The following PLA2G4A variants were observed in gnomAD, a reference collection of about 807,000 sequenced individuals.
PLA2G4A encodes the protein cytosolic phospholipase A2.
PLA2G4A carries 40 observed loss-of-function variants against 81.9 expected under a neutral mutation model. The observed-to-expected ratio is 0.49, with a 90% CI of 0.38 to 0.64. The LOEUF is 0.64. PLA2G4A is among the 30% of genes least tolerant of loss of function. The pLI, the probability that PLA2G4A is intolerant of heterozygous loss-of-function variation, is 0.00. For synonymous variants in PLA2G4A, 302 were observed against 296.9 expected, an observed-to-expected ratio of 1.02 and a Z score of -0.18; for missense variants, 715 against 905.1, an observed-to-expected ratio of 0.79 and a Z score of 2.69.
chr1:186,882,415 G>A (rs548439216), intron 3 of PLA2G4A, among the ~76,000 whole-genome samples: 3 of 152,274 alleles, frequency 2.0e-5, no homozygotes, highest in African/African-American at 4.8e-5. Flanking sequence ...CAGCTAAAAC[G>A]TCAAAAGAAA....
chr1:186,942,472 C>T (rs1158939028), intron 10 of PLA2G4A, among the ~76,000 whole-genome samples: 1 of 152,072 alleles, frequency 6.6e-6, no homozygotes, highest in Non-Finnish European at 1.5e-5. Flanking sequence ...TTATTTTCCT[C>T]CTTATTTTAA....
intron 3 of PLA2G4A, among the ~76,000 whole-genome samples, chr1:186,880,611 G>A (rs1653695008): frequency 6.6e-6 from 1 of 151,898 alleles, no homozygotes. Context: ...TTAAGGTTAA[G>A]AATCTCTTTT....
At chr1:186,875,383 A>G (rs1279348823) in intron 3 of PLA2G4A, among the ~76,000 whole-genome samples, 1 of 152,106 alleles carries the variant, frequency 6.6e-6, no homozygotes, top group Admixed American at 6.6e-5. Flanking sequence ...GAATGATAGA[A>G]ATAAACACAA....
At chr1:186,928,984 T>C (rs1230564885) in intron 7 of PLA2G4A, among the ~76,000 whole-genome samples, 2 of 152,228 alleles carry the variant, frequency 1.3e-5, no homozygotes, top group Admixed American at 6.5e-5. Flanking sequence ...CTTATAACTT[T>C]CGTGTTATTT....
rs1656747402 is a variant in PLA2G4A at position 186,956,178 on chromosome 1, C to T, written c.1413C>T (p.Ala471=). 5.6e-6 allele frequency: 9 copies of T among 1,613,408 alleles called. No homozygotes were observed. The highest frequency in any genetic ancestry group is 7.6e-6 in the Non-Finnish European group (9 of 1,179,606). The stretch of plus-strand genomic sequence containing the variant: ...GTTGGATTCATCGTATGATAATGGC[C>T]TTGGTGAGTGATTCAGCTTTATTCA... ...QASWIHRMIM[A]LVSDSALFNT... The change falls in exon 14 of 18, where the codon GCC becomes GCT. Residue 471 remains alanine, a synonymous_variant. Transcript: ENST00000367466.
intron 5 of PLA2G4A, among the ~76,000 whole-genome samples, chr1:186,905,747 G>T (rs568754873): frequency 7.9e-5 from 12 of 152,002 alleles, no homozygotes; most frequent in African/African-American, 2.7e-4. Flanking sequence ...TGACAAATAT[G>T]TGTTATCTGT....
In PLA2G4A at chr1:186,911,381, G is replaced by C; in HGVS notation, c.550G>C (p.Ala184Pro). The C allele has an allele frequency of 6.2e-7, 1 of 1,608,876 alleles. No homozygotes were observed. Among genetic ancestry groups the C allele is most frequent in the Non-Finnish European group, 8.5e-7 (1 of 1,175,204 alleles). Residue 184 changes from alanine (A) to proline (P), a missense_variant, in exon 7 of 18, where the codon GCA (alanine) becomes CCA (proline). Coordinates refer to ENST00000367466, the MANE Select transcript of PLA2G4A (RefSeq NM_024420.3). ...AAAGAATAGTGAAGGATTGCATTCT[G>C]CACGTGATGTGAGTTGGAAATTTTT... Reference protein sequence around the residue: ...GPKNSEGLHSARDVPVVAILG... With the variant: ...GPKNSEGLHSPRDVPVVAILG...
intron 1 of PLA2G4A, among the ~76,000 whole-genome samples, chr1:186,838,658 C>T (rs1328739931): frequency 6.6e-6 from 1 of 152,102 alleles, no homozygotes; most frequent in Non-Finnish European, 1.5e-5. Context: ...AGTTGGTAGA[C>T]TTGTTGCTGT....
chr1:186,884,710 T>C (rs1653867882), intron 3 of PLA2G4A, among the ~76,000 whole-genome samples: 1 of 151,884 alleles, frequency 6.6e-6, no homozygotes, highest in Non-Finnish European at 1.5e-5. Flanking sequence ...AAACCCCATC[T>C]CTACTAAAAA....
At chr1:186,847,528 G>A (rs1199777579) in intron 1 of PLA2G4A, among the ~76,000 whole-genome samples, 1 of 152,064 alleles carries the variant, frequency 6.6e-6, no homozygotes, top group African/African-American at 2.4e-5. Context: ...CTTTGGCCAA[G>A]ACCTTAAGCC....
At chr1:186,834,049 C>T (rs74510705) in intron 1 of PLA2G4A, among the ~76,000 whole-genome samples, 7,758 of 152,068 alleles carry the variant, frequency 0.051, 488 homozygotes, top group African/African-American at 0.15. Context: ...GGAAAAAAAT[C>T]GGTATTTTAG....
chr1:186,952,797 A>T (rs1267669838), intron 13 of PLA2G4A, among the ~76,000 whole-genome samples: 2 of 147,374 alleles, frequency 1.4e-5, no homozygotes, highest in Non-Finnish European at 3.0e-5. Context: ...TGTAGTCAGA[A>T]TCAAACAATA....
chr1:186,972,404 A>C (rs557310756), intron 15 of PLA2G4A, among the ~76,000 whole-genome samples: 5 of 152,274 alleles, frequency 3.3e-5, no homozygotes, highest in Admixed American at 3.3e-4. Context: ...CAAAGTCTTC[A>C]TACTCAAGCA....
At chr1:186,980,533 G>A (rs1339356767) in intron 17 of PLA2G4A, among the ~76,000 whole-genome samples, 1 of 152,128 alleles carries the variant, frequency 6.6e-6, no homozygotes, top group Non-Finnish European at 1.5e-5. Flanking sequence ...GAAATTAAAT[G>A]GAGAAGGAAA....
chr1:186,920,750 T>G (rs1655321070), intron 7 of PLA2G4A, among the ~76,000 whole-genome samples: 1 of 152,236 alleles, frequency 6.6e-6, no homozygotes, highest in Non-Finnish European at 1.5e-5. Flanking sequence ...GGAATTCCCC[T>G]AAAGGCCGTG....
chr1:186,869,254 C>A (rs542075086), intron 2 of PLA2G4A, among the ~76,000 whole-genome samples: 24 of 152,158 alleles, frequency 1.6e-4, no homozygotes, highest in African/African-American at 5.8e-4. Context: ...TTCAAATATT[C>A]TTATGATTGA....
At chr1:186,882,322 A>G (rs550730806) in intron 3 of PLA2G4A, among the ~76,000 whole-genome samples, 41 of 152,290 alleles carry the variant, frequency 2.7e-4, no homozygotes, top group African/African-American at 7.5e-4. Context: ...CTCATTCCCC[A>G]TATTTCTTAA....
intron 5 of PLA2G4A, among the ~76,000 whole-genome samples, chr1:186,896,877 G>A (rs1237160347): frequency 6.6e-6 from 1 of 152,134 alleles, no homozygotes; most frequent in Non-Finnish European, 1.5e-5. Flanking sequence ...TGATGGCTAA[G>A]GGGAGAGTCC....
At chr1:186,914,265 T>C (rs1655064267) in intron 7 of PLA2G4A, among the ~76,000 whole-genome samples, 1 of 13,258 alleles carries the variant, frequency 7.5e-5, no homozygotes, top group Non-Finnish European at 1.2e-4. Flanking sequence ...AATTTATATA[T>C]ATATGTTTTT....
Sources: allele counts gnomAD v4.1 joint callset (sites outside exome capture counted in the v4.1 genomes callset), GRCh38; gene constraint gnomAD v4.1.1; transcripts MANE v1.5; gene names NCBI Gene and HGNC (gene_info 2026-07-23, HGNC 2026-07-21).